The following FBXL13 variants were observed in gnomAD, a reference collection of about 807,000 sequenced individuals.
The protein encoded by FBXL13 is F-box and leucine-rich repeat protein 13.
A neutral mutation model predicts 83.6 loss-of-function variants in FBXL13; 67 were observed. The ratio of observed to expected loss-of-function variants is 0.80; its 90% CI spans 0.66 to 0.98. The LOEUF (loss-of-function observed/expected upper bound fraction) is 0.98. Among genes scored for constraint, FBXL13 ranks in the 50% least tolerant of loss-of-function variants. The pLI, the probability that FBXL13 is intolerant of heterozygous loss-of-function variation, is 0.00. For missense variants in FBXL13, 822 were observed against 866.5 expected (o/e 0.95, Z 0.64); for synonymous variants, 272 against 299.5 (o/e 0.91, Z 0.95).
intron 11 of FBXL13, among the ~76,000 whole-genome samples, chr7:102,910,386 C>CTT (rs146497451): frequency 2.0e-5 from 3 of 148,546 alleles, no homozygotes; most frequent in African/African-American, 7.4e-5. Flanking sequence ...CTTTTTCTTT[C>CTT]TTTTTTTTTT....
At chr7:103,069,842 G>A (rs1366962330) in intron 1 of FBXL13, among the ~76,000 whole-genome samples, 1 of 152,222 alleles carries the variant, frequency 6.6e-6, no homozygotes. Flanking sequence ...ACTTTGGGAG[G>A]CCGAGGCAGG....
chr7:102,899,003 A>G lies in FBXL13; in HGVS notation c.1008+14083T>C, dbSNP rs141378483. Among the ~76,000 whole-genome samples the G allele has an allele frequency of 3.7e-3, 569 of 152,166 alleles. 5 individuals are homozygous for G. Among genetic ancestry groups the G allele is most frequent in the African/African-American group, 0.014 (561 of 41,512 alleles). On this transcript the variant is annotated intron_variant, in intron 11 of 19. Coordinates refer to ENST00000313221, the Ensembl canonical transcript of FBXL13. ...ACAATCTCGGCTTACTGCAACCTCC[A>G]TCTTCGGGTTCAAGCGATTCTCCTG...
chr7:102,878,323 T>C lies in FBXL13; in HGVS notation c.1508+8A>G. 6.3e-7 allele frequency: 1 copy of C among 1,588,612 alleles called. No individual in the cohort carries two copies. Among genetic ancestry groups the C allele is most frequent in the South Asian group, 1.2e-5 (1 of 85,500 alleles). On this transcript the variant is annotated splice_region_variant and intron_variant, in intron 15 of 19. Transcript: ENST00000313221. ...AATGATATGATGTAAAAGACTGTTT[T>C]ATCATACCGCTCAGATAGTTTCATA...
At chr7:102,919,291 A>T (rs1816520515) in intron 10 of FBXL13, among the ~76,000 whole-genome samples, 1 of 152,210 alleles carries the variant, frequency 6.6e-6, no homozygotes, top group African/African-American at 2.4e-5. Context: ...GCTACAGAGA[A>T]GGCAGTATGC....
intron 2 of FBXL13, among the ~76,000 whole-genome samples, chr7:103,052,120 A>T (rs947895693): frequency 2.0e-5 from 3 of 152,260 alleles, no homozygotes; most frequent in African/African-American, 7.2e-5. Context: ...ATTAATGGGA[A>T]AAATTATAGT....
rs534095908 is a variant in FBXL13 at position 102,855,438 on chromosome 7, A to AT, written c.1636-579dup. Among the ~76,000 whole-genome samples, 7 of 151,966 alleles carry AT rather than the reference A, an allele frequency of 4.6e-5. No individual in the cohort carries two copies. The East Asian group carries it at 1.2e-3, about 25-fold the overall frequency. The stretch of plus-strand genomic sequence containing the variant: ...AAAAGAGATTGCACTTTCAGCCATA[A>AT]TTTTTTTTATGTGTGCTTGTGTTGT... On this transcript the variant is annotated intron_variant, in intron 16 of 19. Coordinates refer to ENST00000313221, the Ensembl canonical transcript of FBXL13.
At chr7:102,899,645 G>A (rs1455273683) in intron 11 of FBXL13, among the ~76,000 whole-genome samples, 1 of 152,184 alleles carries the variant, frequency 6.6e-6, no homozygotes, top group Non-Finnish European at 1.5e-5. Flanking sequence ...TGGAATTTAT[G>A]ATTGACCAGG....
chr7:102,924,902 T>C (rs143569119), intron 10 of FBXL13, among the ~76,000 whole-genome samples: 7,215 of 152,240 alleles, frequency 0.047, 264 homozygotes, highest in South Asian at 0.13. Context: ...GTGCTGGGAT[T>C]ACAGGCGTGA....
intron 11 of FBXL13, among the ~76,000 whole-genome samples, chr7:102,911,738 C>T (rs570867222): frequency 6.6e-6 from 1 of 152,312 alleles, no homozygotes; most frequent in South Asian, 2.1e-4. Flanking sequence ...AACAAGAAGT[C>T]AGGGCCTAGA....
At chr7:103,074,485 C>T (rs1799437857) in exon 1 of FBXL13, 3 of 1,155,590 alleles carry the variant, frequency 2.6e-6, no homozygotes, top group Non-Finnish European at 3.3e-6. Flanking sequence ...GTGCAGCCAC[C>T]ATCACCCTCT....
intron 6 of FBXL13, among the ~76,000 whole-genome samples, chr7:102,969,186 A>T (rs1285316868): frequency 6.6e-6 from 1 of 152,142 alleles, no homozygotes; most frequent in Non-Finnish European, 1.5e-5. Flanking sequence ...AGTGCCCTAT[A>T]TAGGTGTGCC....
At chr7:102,951,616 TGG>T (rs1348630195) in intron 8 of FBXL13, among the ~76,000 whole-genome samples, 2 of 151,680 alleles carry the variant, frequency 1.3e-5, no homozygotes. Flanking sequence ...AAGACCAGCC[TGG>T]GTAACATAGT....
chr7:102,831,426 CA>C (rs1219235568), intron 18 of FBXL13, among the ~76,000 whole-genome samples: 21 of 151,690 alleles, frequency 1.4e-4, no homozygotes, highest in South Asian at 1.3e-3. Flanking sequence ...CACACACACA[CA>C]CACACCCCAC....
chr7:103,058,801 G>T (rs1260022024), intron 1 of FBXL13, among the ~76,000 whole-genome samples: 3 of 152,186 alleles, frequency 2.0e-5, no homozygotes, highest in Non-Finnish European at 4.4e-5. Flanking sequence ...TCTGGTTAAT[G>T]TATGTGAGAA....
intron 17 of FBXL13, among the ~76,000 whole-genome samples, chr7:102,853,974 G>A (rs1584636876): frequency 6.6e-6 from 1 of 152,050 alleles, no homozygotes; most frequent in East Asian, 1.9e-4. Context: ...GATTCCTTAG[G>A]GATCTAGAAC....
chr7:102,828,518 C>A (rs1800116739), intron 18 of FBXL13, among the ~76,000 whole-genome samples: 2 of 152,152 alleles, frequency 1.3e-5, no homozygotes, highest in Admixed American at 6.5e-5. Context: ...ATTAGCAAAT[C>A]TCTTACTCCT....
chr7:102,974,096 A>C (rs1007289334), intron 6 of FBXL13, among the ~76,000 whole-genome samples: 15 of 152,052 alleles, frequency 9.9e-5, no homozygotes, highest in Non-Finnish European at 2.1e-4. Context: ...CCTCATAAAA[A>C]ACCTGTAAAC....
chr7:103,070,559 G>GGCTAT (rs1233029363), intron 1 of FBXL13, among the ~76,000 whole-genome samples: 1 of 152,072 alleles, frequency 6.6e-6, no homozygotes, highest in Admixed American at 6.5e-5. Flanking sequence ...CATTTTGCAC[G>GGCTAT]GCTATAAAGA....
intron 6 of FBXL13, among the ~76,000 whole-genome samples, chr7:102,981,129 G>T (rs1291940583): frequency 6.6e-6 from 1 of 152,066 alleles, no homozygotes; most frequent in Non-Finnish European, 1.5e-5. Flanking sequence ...TGAAGACAGA[G>T]GAACTATTGT....
Sources: allele counts gnomAD v4.1 joint callset (sites outside exome capture counted in the v4.1 genomes callset), GRCh38; gene constraint gnomAD v4.1.1; transcripts MANE v1.5; gene names NCBI Gene and HGNC (gene_info 2026-07-23, HGNC 2026-07-21).